MTHFD1: variants seen among roughly 807,000 people sequenced by gnomAD.
MTHFD1 encodes C-1-tetrahydrofolate synthase, cytoplasmic.
MTHFD1 carries 44 observed loss-of-function variants against 110.3 expected under a neutral mutation model. The ratio of observed to expected loss-of-function variants is 0.40; its 90% CI spans 0.31 to 0.51. MTHFD1 has a LOEUF of 0.51. Ranked by LOEUF, MTHFD1 falls within the 20% of genes least tolerant of loss-of-function variation. The probability of loss-of-function intolerance (pLI) is 0.60; values close to 1 mark genes in which losing one functional copy is unlikely to be tolerated. For synonymous variants in MTHFD1, 402 were observed against 428.8 expected (o/e 0.94, Z 0.77); for missense variants, 909 against 1,173.1 (o/e 0.77, Z 3.29).
intron 16 of MTHFD1, among the ~76,000 whole-genome samples, chr14:64,437,573 A>AT (rs1251888567): frequency 1.3e-5 from 2 of 152,168 alleles, no homozygotes; most frequent in Non-Finnish European, 2.9e-5. Flanking sequence ...TCTGGAGCAG[A>AT]TCCTACAGGT....
chr14:64,408,590 G>A (rs370397022), intron 2 of MTHFD1, among the ~76,000 whole-genome samples: 21 of 152,146 alleles, frequency 1.4e-4, no homozygotes, highest in African/African-American at 5.1e-4. Context: ...TGCCCGGCCA[G>A]AATACACGTT....
chr14:64,454,797 C>T lies in MTHFD1; in HGVS notation c.2640C>T (p.Val880=), dbSNP rs2078438814. The T allele has an allele frequency of 6.2e-7, 1 of 1,613,998 alleles. No homozygotes were observed. The highest frequency in any genetic ancestry group is 1.1e-5 in the South Asian group (1 of 91,084). The change falls in exon 26 of 28, where the codon GTC becomes GTT. Residue 880 remains valine, a synonymous_variant. Coordinates refer to ENST00000652337, the MANE Select transcript of MTHFD1 (RefSeq NM_005956.4). ...CTCACAACCCAGAGCAAAAAGGTGTCCCTACAGGCTTCATTCTGCCCATTC... is the reference window on the plus strand; with the variant it reads ...CTCACAACCCAGAGCAAAAAGGTGTTCCTACAGGCTTCATTCTGCCCATTC... ...SLSHNPEQKG[V]PTGFILPIRD...
chr14:64,459,476 A>G (rs1002059741), intron 27 of MTHFD1, among the ~76,000 whole-genome samples: 3 of 147,550 alleles, frequency 2.0e-5, no homozygotes, highest in Non-Finnish European at 4.6e-5. Context: ...CTGTAGTTTG[A>G]TGCTAGAACA....
chr14:64,404,493 G>A (rs1459191908), intron 2 of MTHFD1, among the ~76,000 whole-genome samples: 3 of 152,094 alleles, frequency 2.0e-5, no homozygotes, highest in Middle Eastern at 3.2e-3. Context: ...ATATTTTTAC[G>A]GACAAATGTA....
At chr14:64,454,624 C>T (rs1026156993) in intron 25 of MTHFD1, 99 bp from the exon 26 acceptor site, 204 of 973,574 alleles carry the variant, frequency 2.1e-4, no homozygotes, top group Non-Finnish European at 2.4e-4. Context: ...TTGGATGTTT[C>T]GAATAAATTG....
intron 9 of MTHFD1, 29 bp from the exon 10 acceptor site, chr14:64,425,701 C>G (rs142456449): frequency 1.9e-6 from 3 of 1,582,110 alleles, no homozygotes; most frequent in East Asian, 4.5e-5. Flanking sequence ...ACCACCTCTT[C>G]TAAGTTTCAT....
chr14:64,440,439 A>C (rs1251455438), intron 18 of MTHFD1, 173 bp downstream of exon 18: 1 of 789,136 alleles, frequency 1.3e-6, no homozygotes, highest in East Asian at 2.8e-5. Flanking sequence ...TAAAAAGTAC[A>C]TCAGAGTGAA....
chr14:64,431,157 C>T (rs986089924), intron 13 of MTHFD1, among the ~76,000 whole-genome samples: 1 of 151,214 alleles, frequency 6.6e-6, no homozygotes, highest in Non-Finnish European at 1.5e-5. Flanking sequence ...TCACTGCAAC[C>T]TCCACCTCCC....
chr14:64,457,423 G>T (rs1239827848), intron 26 of MTHFD1, among the ~76,000 whole-genome samples: 3 of 151,740 alleles, frequency 2.0e-5, no homozygotes, highest in African/African-American at 7.3e-5. Flanking sequence ...CATTTGGTTT[G>T]CAGAAGGACA....
intron 2 of MTHFD1, 75 bp downstream of exon 2, chr14:64,400,952 C>A (rs2140945758): frequency 9.2e-7 from 1 of 1,081,314 alleles, no homozygotes. Context: ...TCTCCCTCTA[C>A]TTTCCTCCTT....
chr14:64,455,195 A>G (rs1453249771), intron 26 of MTHFD1: 1 of 372,220 alleles, frequency 2.7e-6, no homozygotes, highest in African/African-American at 2.1e-5. Flanking sequence ...TGCTAACATA[A>G]TCACAGTTAA....
At chr14:64,436,620 A>G (rs1241280333) in intron 16 of MTHFD1, among the ~76,000 whole-genome samples, 1 of 152,216 alleles carries the variant, frequency 6.6e-6, no homozygotes, top group Admixed American at 6.5e-5. Context: ...ACTCATGCAG[A>G]ATAGAGCTGA....
At chr14:64,410,282 T>A (rs751579473) in intron 2 of MTHFD1, among the ~76,000 whole-genome samples, 3 of 151,804 alleles carry the variant, frequency 2.0e-5, no homozygotes, top group African/African-American at 4.8e-5. Flanking sequence ...CATAGTACCA[T>A]GACTCACTGT....
intron 1 of MTHFD1, among the ~76,000 whole-genome samples, chr14:64,393,393 G>A (rs1199543298): frequency 6.6e-6 from 1 of 151,242 alleles, no homozygotes; most frequent in Non-Finnish European, 1.5e-5. Context: ...GGCAACAAGA[G>A]CAAAACTTCA....
At chr14:64,444,809 T>G in intron 22 of MTHFD1, 75 bp downstream of exon 22, 2 of 1,518,450 alleles carry the variant, frequency 1.3e-6, no homozygotes, top group Non-Finnish European at 1.8e-6. Flanking sequence ...ACCTGGCCCA[T>G]GTGGAAATGA....
chr14:64,458,008 A>C, intron 26 of MTHFD1: 1 of 609,566 alleles, frequency 1.6e-6, no homozygotes, highest in Non-Finnish European at 2.9e-6. Flanking sequence ...CTCCTGCCTT[A>C]GCATCCCAAG....
At chr14:64,409,573 C>T (rs746582304) in intron 2 of MTHFD1, among the ~76,000 whole-genome samples, 1 of 152,078 alleles carries the variant, frequency 6.6e-6, no homozygotes, top group Non-Finnish European at 1.5e-5. Flanking sequence ...GGTAACTGAA[C>T]CAGTGAGGGT....
intron 16 of MTHFD1, 44 bp downstream of exon 16, chr14:64,435,715 C>A: frequency 9.3e-7 from 1 of 1,073,384 alleles, no homozygotes; most frequent in Non-Finnish European, 1.5e-6. Context: ...GGCTATATTG[C>A]ACACCCTACA....
intron 15 of MTHFD1, among the ~76,000 whole-genome samples, chr14:64,435,321 C>T (rs1370913521): frequency 6.6e-6 from 1 of 152,056 alleles, no homozygotes; most frequent in Admixed American, 6.6e-5. Flanking sequence ...TTTGTGGCAT[C>T]CCAGGTTATA....
Sources: gnomAD v4.1 joint callset for allele counts (sites outside exome capture counted in the v4.1 genomes callset) on GRCh38, gnomAD v4.1.1 for gene constraint, MANE v1.5 for transcripts, NCBI Gene and HGNC (gene_info 2026-07-23, HGNC 2026-07-21) for gene names.